SHROOM2: variants seen among roughly 807,000 people sequenced by gnomAD.
SHROOM2 encodes shroom family member 2.
A neutral mutation model predicts 75.9 loss-of-function variants in SHROOM2; 33 were observed. The ratio of observed to expected loss-of-function variants is 0.43; its 90% CI spans 0.33 to 0.58. The LOEUF is 0.58. SHROOM2 is among the 20% of genes least tolerant of loss of function. The pLI is 0.04. For synonymous variants in SHROOM2, 655 were observed against 663.6 expected (o/e 0.99, Z 0.20); for missense variants, 1,434 against 1,461.2 (o/e 0.98, Z 0.30).
chrX:9,805,096 A>C (rs1165206636), intron 1 of SHROOM2, among the ~76,000 whole-genome samples: 1 of 109,041 alleles, frequency 9.2e-6, no homozygotes, highest in Non-Finnish European at 1.9e-5. Context: ...AAAAAATACA[A>C]AAGTTAGCCA....
intron 1 of SHROOM2, among the ~76,000 whole-genome samples, chrX:9,864,686 G>A (rs1026490337): frequency 1.4e-4 from 15 of 108,353 alleles, no homozygotes; most frequent in Admixed American, 2.0e-4. Flanking sequence ...TTAGCCGGGC[G>A]TAGTGGCGGG....
chrX:9,792,029 T>G (rs867329930), intron 1 of SHROOM2, among the ~76,000 whole-genome samples: 47 of 1,980 alleles, frequency 0.024, 3 homozygotes, highest in Middle Eastern at 0.2. Context: ...TAGAATAGAA[T>G]AGAATAGAAT....
At chrX:9,911,621 TG>T (rs200914415) in intron 5 of SHROOM2, among the ~76,000 whole-genome samples, 1,284 of 110,317 alleles carry the variant, frequency 0.012, 13 homozygotes, top group African/African-American at 0.041. Flanking sequence ...AGGAGGGAGG[TG>T]GGGCTCAGGG....
chrX:9,862,696 C>G (rs2084111304), intron 1 of SHROOM2, among the ~76,000 whole-genome samples: 1 of 112,068 alleles, frequency 8.9e-6, no homozygotes, highest in Non-Finnish European at 1.9e-5. Context: ...GCCCGCGTGC[C>G]TCCACCGCCC....
intron 1 of SHROOM2, among the ~76,000 whole-genome samples, chrX:9,824,302 G>A (rs1465024349): frequency 9.1e-6 from 1 of 109,974 alleles, no homozygotes; most frequent in East Asian, 2.9e-4. Context: ...GCTGGGCGTG[G>A]TGGCAAATGC....
intron 1 of SHROOM2, among the ~76,000 whole-genome samples, chrX:9,805,783 G>A (rs772780200): frequency 2.7e-5 from 3 of 109,813 alleles, no homozygotes; most frequent in Non-Finnish European, 3.8e-5. Context: ...CTTAAGGAGA[G>A]TATCTGTTGT....
intron 1 of SHROOM2, among the ~76,000 whole-genome samples, chrX:9,862,580 G>A (rs892025961): frequency 1.8e-5 from 2 of 111,801 alleles, no homozygotes; most frequent in African/African-American, 3.3e-5. Context: ...CTAGGAGGCC[G>A]CCCTTGGAGC....
chrX:9,895,842 G>A lies in SHROOM2; in HGVS notation c.1934G>A (p.Arg645Gln), dbSNP rs200488769. ...CATAGAGCCAAGCTGCAGAAGAGCCGGAGCACAGTGGCTCTGACTGCAGCA... is the reference window on the plus strand; with the variant it reads ...CATAGAGCCAAGCTGCAGAAGAGCCAGAGCACAGTGGCTCTGACTGCAGCA... Reference protein sequence around the residue: ...QMHRAKLQKSRSTVALTAAGE... With the variant: ...QMHRAKLQKSQSTVALTAAGE... The change falls in exon 4 of 10, where the codon CGG (arginine) becomes CAG (glutamine). Residue 645 changes from arginine to glutamine, a missense_variant. Arg to Gln is a conservative substitution (Grantham distance 43, BLOSUM62 1). Transcript: ENST00000380913. 1.3e-5 allele frequency: 16 copies of A among 1,202,847 alleles called. No individual in the cohort carries two copies. Among genetic ancestry groups the A allele is most frequent in the African/African-American group, 5.2e-5 (3 of 57,544 alleles).
chrX:9,919,731 G>T (rs764875339), intron 5 of SHROOM2, among the ~76,000 whole-genome samples: 1 of 111,354 alleles, frequency 9.0e-6, no homozygotes, highest in South Asian at 3.7e-4. Context: ...GCATGCATAG[G>T]TAGGGCAGGG....
intron 1 of SHROOM2, among the ~76,000 whole-genome samples, chrX:9,805,895 CTG>C (rs1467829671): frequency 1.4e-4 from 13 of 92,009 alleles, no homozygotes; most frequent in Non-Finnish European, 2.2e-4. Flanking sequence ...CAGAGTGAAA[CTG>C]TGTCTCAAAA....
intron 1 of SHROOM2, among the ~76,000 whole-genome samples, chrX:9,839,280 G>A (rs781500425): frequency 1.1e-4 from 12 of 110,441 alleles, no homozygotes; most frequent in Admixed American, 3.8e-4. Context: ...GGGCAGAGAC[G>A]CGTTTTTTTA....
chrX:9,843,444 G>A (rs1211879513), intron 1 of SHROOM2, among the ~76,000 whole-genome samples: 1 of 107,206 alleles, frequency 9.3e-6, no homozygotes, highest in Non-Finnish European at 1.9e-5. Flanking sequence ...TGTTTCCCAC[G>A]CTGGAGTGCA....
intron 1 of SHROOM2, among the ~76,000 whole-genome samples, chrX:9,822,985 A>ATTCTTCTTC (rs1193729528): frequency 9.1e-5 from 8 of 88,256 alleles, no homozygotes; most frequent in African/African-American, 3.7e-4. Context: ...AAGAATAATA[A>ATTCTTCTTC]TTCTTCTTCT....
intron 1 of SHROOM2, among the ~76,000 whole-genome samples, chrX:9,861,133 T>C (rs2084101285): frequency 8.9e-6 from 1 of 112,095 alleles, no homozygotes; most frequent in Admixed American, 9.5e-5. Context: ...GCAATTAAAA[T>C]GGTTAAGAGA....
chrX:9,881,837 C>T lies in SHROOM2; in HGVS notation c.317+8034C>T, dbSNP rs186361159. ...TCTTTTATTGGTTACTTTCCCTAAACCTCGTATCTCTTCTCTATACCTTGG... is the reference window on the plus strand; with the variant it reads ...TCTTTTATTGGTTACTTTCCCTAAATCTCGTATCTCTTCTCTATACCTTGG... On this transcript the variant is annotated intron_variant, in intron 2 of 9. Transcript: ENST00000380913. Among the ~76,000 whole-genome samples the T allele has an allele frequency of 3.1e-3, 346 of 112,473 alleles. 1 individual carries two copies. Among genetic ancestry groups the T allele is most frequent in the African/African-American group, 0.011 (325 of 30,947 alleles).
At chrX:9,795,268 G>C (rs768966384) in intron 1 of SHROOM2, among the ~76,000 whole-genome samples, 33 of 110,978 alleles carry the variant, frequency 3.0e-4, no homozygotes, top group African/African-American at 9.5e-4. Flanking sequence ...GGGTTTACAG[G>C]TGTGTACCAC....
At chrX:9,878,467 A>G (rs918351949) in intron 2 of SHROOM2, among the ~76,000 whole-genome samples, 5 of 112,078 alleles carry the variant, frequency 4.5e-5, no homozygotes, top group African/African-American at 1.3e-4. Context: ...AAGAGGCTGC[A>G]TGTCGAGGGA....
chrX:9,791,187 A>G (rs2083645916), intron 1 of SHROOM2, among the ~76,000 whole-genome samples: 1 of 111,476 alleles, frequency 9.0e-6, no homozygotes, highest in African/African-American at 3.3e-5. Context: ...TAAAGGTAGA[A>G]TAGTATGATA....
At chrX:9,912,198 GACAC>G (rs57939278) in intron 5 of SHROOM2, among the ~76,000 whole-genome samples, 380 of 16,045 alleles carry the variant, frequency 0.024, 18 homozygotes, top group African/African-American at 0.029. Context: ...TAAATTACAA[GACAC>G]ACACACACAC....
Sources: allele counts gnomAD v4.1 joint callset (sites outside exome capture counted in the v4.1 genomes callset), GRCh38; gene constraint gnomAD v4.1.1; transcripts MANE v1.5; gene names NCBI Gene and HGNC (gene_info 2026-07-23, HGNC 2026-07-21).